The following USP31 variants were observed in gnomAD, a reference collection of about 807,000 sequenced individuals.
USP31 encodes ubiquitin carboxyl-terminal hydrolase 31.
USP31 carries 44 observed loss-of-function variants against 119.4 expected under a neutral mutation model. That is an observed-to-expected ratio of 0.37 (90% confidence interval 0.29 to 0.47). The LOEUF is 0.47. Ranked by LOEUF, USP31 falls within the 20% of genes least tolerant of loss-of-function variation. USP31 has a pLI of 0.99. For missense variants in USP31, 1,643 were observed against 1,730.2 expected (o/e 0.95, Z 0.89); for synonymous variants, 749 against 705.6 (o/e 1.06, Z -0.97).
chr16:23,104,298 G>A (rs184178668), intron 5 of USP31, among the ~76,000 whole-genome samples: 9 of 152,170 alleles, frequency 5.9e-5, no homozygotes, highest in Admixed American at 2.0e-4. Flanking sequence ...TTTTTCTGCC[G>A]GTGAACAAGC....
At position 23,063,903 on chromosome 16, in the gene USP31, C is replaced by T. The variant is rs924973383; in HGVS notation, c.*4143G>A. ...TCTGCAAAATACTTTGAAAGTTGATCAAAAGGCAGTGTGAGAGTGTTCATT... is the reference window on the plus strand; with the variant it reads ...TCTGCAAAATACTTTGAAAGTTGATTAAAAGGCAGTGTGAGAGTGTTCATT... On this transcript the variant is annotated 3_prime_UTR_variant, in exon 16 of 16. Transcript: ENST00000219689. 1 of 152,226 alleles carries T rather than the reference C, an allele frequency of 6.6e-6. No individual in the cohort carries two copies. Among genetic ancestry groups the T allele is most frequent in the South Asian group, 2.1e-4 (1 of 4,824 alleles). The allele number at this position is 152,226 out of a possible 1,614,324, so 9.4% of individuals were successfully genotyped here.
chr16:23,141,706 G>A (rs1416706174), intron 1 of USP31, among the ~76,000 whole-genome samples: 1 of 152,118 alleles, frequency 6.6e-6, no homozygotes, highest in Non-Finnish European at 1.5e-5. Context: ...ATATTTACCA[G>A]TGTTTATTGA....
chr16:23,119,791 T>G (rs1209182151), intron 1 of USP31, among the ~76,000 whole-genome samples: 1 of 152,214 alleles, frequency 6.6e-6, no homozygotes, highest in African/African-American at 2.4e-5. Flanking sequence ...TGTGAAGAAC[T>G]ATGTCCTGCC....
At chr16:23,088,104 T>C (rs1309456439) in intron 7 of USP31, among the ~76,000 whole-genome samples, 1 of 151,924 alleles carries the variant, frequency 6.6e-6, no homozygotes, top group African/African-American at 2.4e-5. Flanking sequence ...GCAGGATCAG[T>C]GAAGATGGAG....
intron 1 of USP31, among the ~76,000 whole-genome samples, chr16:23,128,204 A>C (rs965714119): frequency 8.5e-5 from 13 of 152,196 alleles, no homozygotes; most frequent in Non-Finnish European, 1.5e-4. Context: ...GTGGTCTCTC[A>C]GTACCGCTGT....
intron 1 of USP31, among the ~76,000 whole-genome samples, chr16:23,117,632 A>G (rs1272505207): frequency 6.6e-6 from 1 of 152,246 alleles, no homozygotes; most frequent in African/African-American, 2.4e-5. Flanking sequence ...GACTCCAAGT[A>G]AGTACTTACA....
intron 12 of USP31, among the ~76,000 whole-genome samples, chr16:23,080,843 T>C (rs1900788396): frequency 2.0e-5 from 3 of 151,970 alleles, no homozygotes; most frequent in African/African-American, 4.8e-5. Context: ...GGAAGAAAAA[T>C]GTTCATGAGA....
At chr16:23,094,476 C>G (rs1267366767) in intron 6 of USP31, among the ~76,000 whole-genome samples, 1 of 152,202 alleles carries the variant, frequency 6.6e-6, no homozygotes, top group Non-Finnish European at 1.5e-5. Flanking sequence ...CCTTGTCTGA[C>G]AGCTTTGAAG....
At chr16:23,132,798 A>G (rs1412972802) in intron 1 of USP31, among the ~76,000 whole-genome samples, 1 of 152,052 alleles carries the variant, frequency 6.6e-6, no homozygotes, top group African/African-American at 2.4e-5. Flanking sequence ...TTATCCACCC[A>G]CCTCCAGAAT....
intron 6 of USP31, among the ~76,000 whole-genome samples, chr16:23,093,894 C>A (rs561774348): frequency 1.3e-5 from 2 of 152,314 alleles, no homozygotes; most frequent in East Asian, 3.9e-4. Flanking sequence ...GATGGCCGAA[C>A]AGGAACAGCT....
intron 6 of USP31, among the ~76,000 whole-genome samples, chr16:23,096,608 C>A (rs1901624483): frequency 6.6e-6 from 1 of 152,318 alleles, no homozygotes; most frequent in East Asian, 1.9e-4. Flanking sequence ...CACTCCTCAG[C>A]AACTGTAAAA....
chr16:23,087,445 C>T (rs539426121), intron 8 of USP31, among the ~76,000 whole-genome samples: 12 of 152,316 alleles, frequency 7.9e-5, no homozygotes, highest in Middle Eastern at 3.4e-3. Context: ...TGGTCTTCCA[C>T]GGATACCTTA....
At chr16:23,103,756 A>G (rs1901979192) in intron 5 of USP31, among the ~76,000 whole-genome samples, 1 of 152,078 alleles carries the variant, frequency 6.6e-6, no homozygotes, top group African/African-American at 2.4e-5. Context: ...CTCTACGAAA[A>G]ATACAAAAAT....
intron 13 of USP31, among the ~76,000 whole-genome samples, chr16:23,075,783 T>C (rs542730752): frequency 6.6e-6 from 1 of 152,246 alleles, no homozygotes; most frequent in South Asian, 2.1e-4. Context: ...AAAATAAAGA[T>C]TACATCAAAA....
intron 1 of USP31, among the ~76,000 whole-genome samples, chr16:23,139,266 G>C (rs11074543): frequency 0.27 from 41,655 of 151,990 alleles, 6,133 homozygotes; most frequent in Admixed American, 0.35. Context: ...GCTGGGCACA[G>C]TGATGCCCAC....
At chr16:23,126,531 G>A (rs1383114063) in intron 1 of USP31, among the ~76,000 whole-genome samples, 1 of 151,156 alleles carries the variant, frequency 6.6e-6, no homozygotes, top group Non-Finnish European at 1.5e-5. Context: ...GGAGGCTGAG[G>A]CAGGAGAATG....
At chr16:23,105,610 C>T (rs535089670) in intron 4 of USP31, 34 bp from the exon 5 acceptor site, 1 of 1,493,848 alleles carries the variant, frequency 6.7e-7, no homozygotes, top group Admixed American at 2.2e-5. Context: ...TCTCATTAGT[C>T]ACTTATTTCA....
chr16:23,117,668 A>G (rs1392874754), intron 1 of USP31, among the ~76,000 whole-genome samples: 1 of 152,176 alleles, frequency 6.6e-6, no homozygotes, highest in Non-Finnish European at 1.5e-5. Flanking sequence ...TCTGCTAGAA[A>G]CTATGCAGTA....
At chr16:23,102,526 A>G in intron 5 of USP31, 63 bp from the exon 6 acceptor site, 1 of 1,554,922 alleles carries the variant, frequency 6.4e-7, no homozygotes, top group East Asian at 2.3e-5. Context: ...TGATCTCCCA[A>G]TTCTATGAAC....
Sources: gnomAD v4.1 joint callset for allele counts (sites outside exome capture counted in the v4.1 genomes callset) on GRCh38, gnomAD v4.1.1 for gene constraint, MANE v1.5 for transcripts, NCBI Gene and HGNC (gene_info 2026-07-23, HGNC 2026-07-21) for gene names.